CRYAB: variants seen among roughly 807,000 people sequenced by gnomAD.
The protein encoded by CRYAB is alpha-crystallin B chain.
In CRYAB, 9 loss-of-function variants were observed where a neutral mutation model predicts 12.7. That is an observed-to-expected ratio of 0.71 (90% CI 0.43 to 1.24). The LOEUF is 1.24. CRYAB is among the 50% of genes most tolerant of loss of function. The probability of loss-of-function intolerance (pLI) is 0.00; values close to 1 mark genes in which losing one functional copy is unlikely to be tolerated. For missense variants in CRYAB, 183 were observed against 226.6 expected, an observed-to-expected ratio of 0.81 and a Z score of 1.24; for synonymous variants, 93 against 86.8, an observed-to-expected ratio of 1.07 and a Z score of -0.40.
chr11:111,911,298 A>G (rs186910837), intron 1 of CRYAB, among the ~76,000 whole-genome samples: 9 of 152,338 alleles, frequency 5.9e-5, no homozygotes, highest in Admixed American at 5.2e-4. Flanking sequence ...GGGACGGAGG[A>G]TAAACTTGAC....
chr11:111,913,260 C>T, upstream of CRYAB: 1 of 638,016 alleles, frequency 1.6e-6, no homozygotes, highest in Non-Finnish European at 2.8e-6. Flanking sequence ...CCTTTCCGTT[C>T]TCTTTCCCCT....
intron 1 of CRYAB, among the ~76,000 whole-genome samples, chr11:111,919,934 G>T (rs1397582421): frequency 6.6e-6 from 1 of 152,136 alleles, no homozygotes; most frequent in East Asian, 1.9e-4. Context: ...GGTGGCTCAC[G>T]CCTGTAATCC....
upstream of CRYAB, among the ~76,000 whole-genome samples, chr11:111,914,766 A>G (rs782433533): frequency 6.6e-6 from 1 of 152,196 alleles, no homozygotes; most frequent in Non-Finnish European, 1.5e-5. Context: ...AGATACCTAC[A>G]ATTCTTCCAT....
chr11:111,913,302 T>C, upstream of CRYAB: 1 of 690,208 alleles, frequency 1.4e-6, no homozygotes, highest in Non-Finnish European at 2.5e-6. Context: ...CTAGCTACAG[T>C]GTGGCCTCCC....
upstream of CRYAB, among the ~76,000 whole-genome samples, chr11:111,917,696 A>G (rs1193669079): frequency 6.7e-6 from 1 of 149,886 alleles, no homozygotes; most frequent in African/African-American, 2.5e-5. Flanking sequence ...TTTTTTTTTA[A>G]TTAGCTAGGC....
intron 2 of CRYAB, chr11:111,909,973 C>A: frequency 3.4e-6 from 2 of 596,282 alleles, no homozygotes; most frequent in South Asian, 4.1e-5. Flanking sequence ...GTGCTCGCTT[C>A]GGCAGCACAT....
At chr11:111,915,516 A>C (rs587704869), upstream of CRYAB, among the ~76,000 whole-genome samples, 2 of 152,354 alleles carry the variant, frequency 1.3e-5, no homozygotes, top group Non-Finnish European at 2.9e-5. Context: ...GAAAAATAAT[A>C]AGAAAAGGAT....
chr11:111,922,488 C>T (rs1408613644), intron 1 of CRYAB, among the ~76,000 whole-genome samples: 1 of 152,122 alleles, frequency 6.6e-6, no homozygotes, highest in African/African-American at 2.4e-5. Flanking sequence ...ATAAAAAGCA[C>T]CATAAATAAA....
intron 1 of CRYAB, chr11:111,918,979 A>G (rs1965641945): frequency 1.2e-6 from 2 of 1,614,102 alleles, no homozygotes; most frequent in Non-Finnish European, 1.7e-6. Context: ...CGCCATGGGA[A>G]ACCGGGTCTG....
intron 2 of CRYAB, chr11:111,909,960 G>A (rs1592507486): frequency 5.1e-6 from 3 of 591,850 alleles, no homozygotes; most frequent in East Asian, 2.8e-5. Context: ...TTGGTCTGGA[G>A]TAGTGCTCGC....
chr11:111,911,938 C>T, upstream of CRYAB: 1 of 575,618 alleles, frequency 1.7e-6, no homozygotes, highest in Non-Finnish European at 3.1e-6. Flanking sequence ...AAAAGAGAGA[C>T]ACAAACACGT....
Position 111,919,483 on chromosome 11 carries a change from AC to A in CRYAB, c.-199+4219del, listed in dbSNP as rs1414856482. On this transcript the variant is annotated intron_variant, in intron 1 of 3. Coordinates refer to the CRYAB transcript ENST00000527950. ...CGAGACTGTCTCAACAACAACAACA[AC>A]AAAAAAAAACAGAGCCAAGCTAGCT... Among the ~76,000 whole-genome samples, 3 of 143,406 alleles carry A rather than the reference AC, an allele frequency of 2.1e-5. No homozygotes were observed. In the South Asian group the frequency reaches 6.7e-4, roughly 32 times the overall value. The allele number at this position is 143,406 out of a possible 152,430, so 94.1% of individuals were successfully genotyped here.
rs387907338 is a variant in CRYAB, at chr11:111,911,559, G to A, written c.166C>T (p.Arg56Trp). ...CCAGTGTCAAACCAGCTGGGTGCCCGCAGGAAGGAGGGTGGCCGAAGGTAG... is the reference window on the plus strand; with the variant it reads ...CCAGTGTCAAACCAGCTGGGTGCCCACAGGAAGGAGGGTGGCCGAAGGTAG... ...PFYLRPPSFL[R>W]APSWFDTGLS... The change falls in exon 1 of 3, where the codon CGG becomes TGG. Residue 56 changes from arginine to tryptophan, a missense_variant. Around this residue, in one of 3 missense-constraint regions of CRYAB, gnomAD observed 86 missense variants for 96.1 expected, o/e 0.89. Transcript: ENST00000650687. 8 of 1,612,596 alleles carry A rather than the reference G, an allele frequency of 5.0e-6. No individual in the cohort carries two copies. The highest frequency in any genetic ancestry group is 2.2e-5 in the East Asian group (1 of 44,874).
chr11:111,915,975 C>T (rs981979383), upstream of CRYAB, among the ~76,000 whole-genome samples: 50 of 152,104 alleles, frequency 3.3e-4, no homozygotes, highest in African/African-American at 1.2e-3. Flanking sequence ...CTCCTGGACT[C>T]AAGCAATCCT....
chr11:111,912,608 G>C, upstream of CRYAB: 1 of 585,108 alleles, frequency 1.7e-6, no homozygotes, highest in Non-Finnish European at 3.1e-6. Flanking sequence ...GTGTGCGGGG[G>C]AGGGGACTAG....
At chr11:111,909,917 G>A (rs548931943) in intron 2 of CRYAB, 1 of 535,850 alleles carries the variant, frequency 1.9e-6, no homozygotes, top group Admixed American at 3.3e-5. Context: ...AATTGCTGAT[G>A]CCTGGGTCCC....
In CRYAB at chr11:111,911,674, G is replaced by A; in HGVS notation, c.51C>T (p.Phe17=). 1.9e-6 allele frequency: 3 copies of A among 1,606,730 alleles called. No individual in the cohort carries two copies. Among genetic ancestry groups the A allele is most frequent in the Non-Finnish European group, 2.5e-6 (3 of 1,176,818 alleles). ...HPWIRRPFFP[F]HSPSRLFDQF... is the part of the protein sequence containing the mutation. Reference sequence around the variant, plus strand: ...GGTCAAAGAGGCGGCTGGGGGAGTGGAAAGGAAAGAAGGGGCGGCGGATCC... The same window carrying A: ...GGTCAAAGAGGCGGCTGGGGGAGTGAAAAGGAAAGAAGGGGCGGCGGATCC... The change falls in exon 1 of 3, where the codon TTC becomes TTT. Residue 17 remains phenylalanine (F), a synonymous_variant. Transcript: ENST00000650687.
At chr11:111,917,555 C>A (rs1555166190), upstream of CRYAB, among the ~76,000 whole-genome samples, 2 of 151,510 alleles carry the variant, frequency 1.3e-5, no homozygotes, top group East Asian at 3.9e-4. Context: ...GTAACCCCAG[C>A]ACTTTGGGAG....
chr11:111,908,726 C>G lies in CRYAB; in HGVS notation c.*38G>C, dbSNP rs781853968. Reference sequence around the variant, plus strand: ...AGACTTTCATTCACTGGTGGGGAAACTTTCTTGTTTTAAAAAATGCAATTC... The same window carrying G: ...AGACTTTCATTCACTGGTGGGGAAAGTTTCTTGTTTTAAAAAATGCAATTC... On this transcript the variant is annotated 3_prime_UTR_variant, in exon 3 of 3. Coordinates refer to ENST00000650687, the MANE Select transcript of CRYAB (RefSeq NM_001289808.2). 6.2e-6 allele frequency: 10 copies of G among 1,605,868 alleles called. No individual in the cohort carries two copies. The East Asian group carries it at 1.6e-4, about 25-fold the overall frequency.
Sources: gnomAD v4.1 joint callset for allele counts (sites outside exome capture counted in the v4.1 genomes callset) on GRCh38, gnomAD v4.1.1 for gene constraint, gnomAD v4.1.1 regional missense constraint, MANE v1.5 for transcripts, NCBI Gene and HGNC (gene_info 2026-07-23, HGNC 2026-07-21) for gene names.